IFT80: variants seen among roughly 807,000 people sequenced by gnomAD.
IFT80 encodes the protein intraflagellar transport protein 80 homolog.
A neutral mutation model predicts 107.9 loss-of-function variants in IFT80; 79 were observed. The ratio of observed to expected loss-of-function variants is 0.73; its 90% CI spans 0.61 to 0.88. The LOEUF (loss-of-function observed/expected upper bound fraction) is 0.88. Ranked by LOEUF, IFT80 falls within the 40% of genes least tolerant of loss-of-function variation. The probability of loss-of-function intolerance (pLI) is 0.00; values close to 1 mark genes in which losing one functional copy is unlikely to be tolerated. For synonymous variants in IFT80, 299 were observed against 300.9 expected (o/e 0.99, Z 0.07); for missense variants, 797 against 914.2 (o/e 0.87, Z 1.65).
intron 9 of IFT80, among the ~76,000 whole-genome samples, chr3:160,308,763 T>C (rs533029788): frequency 3.1e-4 from 47 of 152,334 alleles, no homozygotes; most frequent in African/African-American, 1.1e-3. Context: ...GGCATTGCCA[T>C]GATCTAAATG....
At chr3:160,373,143 A>C (rs748434876) in intron 5 of IFT80, among the ~76,000 whole-genome samples, 31 of 152,094 alleles carry the variant, frequency 2.0e-4, no homozygotes, top group Middle Eastern at 3.2e-3. Context: ...CCTGAGCTCA[A>C]GTGATCCACC....
chr3:160,261,813 A>G (rs1712861829), intron 19 of IFT80, among the ~76,000 whole-genome samples: 1 of 151,498 alleles, frequency 6.6e-6, no homozygotes, highest in Admixed American at 6.6e-5. Context: ...AAAAAAAAAA[A>G]AAAAAGGGGG....
chr3:160,293,272 C>G (rs551279985), intron 12 of IFT80, among the ~76,000 whole-genome samples: 1 of 152,168 alleles, frequency 6.6e-6, no homozygotes, highest in Non-Finnish European at 1.5e-5. Context: ...CTATAAACCT[C>G]AGAGGCCTAA....
intron 19 of IFT80, among the ~76,000 whole-genome samples, chr3:160,260,862 C>T (rs1438953410): frequency 2.6e-5 from 4 of 152,198 alleles, no homozygotes; most frequent in South Asian, 2.1e-4. Flanking sequence ...TCTTTCTCTT[C>T]CTCTCAGCTG....
chr3:160,306,163 A>G (rs1179489201), intron 10 of IFT80, among the ~76,000 whole-genome samples: 1 of 152,194 alleles, frequency 6.6e-6, no homozygotes. Context: ...TCACAAAAGA[A>G]GAAAAGCAAC....
At chr3:160,357,263 C>T (rs992356365) in intron 7 of IFT80, among the ~76,000 whole-genome samples, 2 of 152,048 alleles carry the variant, frequency 1.3e-5, no homozygotes, top group African/African-American at 4.8e-5. Context: ...TCACAACTGG[C>T]TAATTTTTTT....
rs189881249 is a variant in IFT80, at chr3:160,322,454, G to C, written c.778-2515C>G. Reference sequence around the variant, plus strand: ...CTATCATTGTTGGACATTTGGGTTGGTTCCAAGTCTTTGCTATTGTGAATA... The same window carrying C: ...CTATCATTGTTGGACATTTGGGTTGCTTCCAAGTCTTTGCTATTGTGAATA... On this transcript the variant is annotated intron_variant, in intron 8 of 19. Transcript: ENST00000326448. Among the ~76,000 whole-genome samples, 109 of 152,036 alleles carry C rather than the reference G, an allele frequency of 7.2e-4. 1 individual carries two copies. The East Asian group carries it at 0.02, about 28-fold the overall frequency.
chr3:160,354,265 G>A (rs1720908684), intron 8 of IFT80, among the ~76,000 whole-genome samples: 1 of 152,126 alleles, frequency 6.6e-6, no homozygotes, highest in Admixed American at 6.5e-5. Flanking sequence ...GGACCTAGCA[G>A]AAAAGAAATT....
intron 6 of IFT80, among the ~76,000 whole-genome samples, chr3:160,358,648 C>T (rs1454336716): frequency 1.3e-5 from 2 of 152,114 alleles, no homozygotes; most frequent in Non-Finnish European, 2.9e-5. Flanking sequence ...GCCACCGTGC[C>T]CAGCCATGGA....
At chr3:160,382,315 T>G (rs1712583490) in intron 2 of IFT80, among the ~76,000 whole-genome samples, 1 of 152,190 alleles carries the variant, frequency 6.6e-6, no homozygotes, top group African/African-American at 2.4e-5. Flanking sequence ...CCAAACTTTT[T>G]TTAAATTTTT....
intron 8 of IFT80, among the ~76,000 whole-genome samples, chr3:160,340,920 T>C (rs1295226505): frequency 6.6e-6 from 1 of 152,232 alleles, no homozygotes; most frequent in East Asian, 1.9e-4. Context: ...AGGAAGAATA[T>C]AGCAGTTAAT....
intron 5 of IFT80, among the ~76,000 whole-genome samples, chr3:160,369,459 T>C (rs1722084932): frequency 1.3e-5 from 2 of 151,916 alleles, no homozygotes; most frequent in African/African-American, 2.4e-5. Context: ...ACTGTACATA[T>C]AAACATTTTC....
intron 19 of IFT80, among the ~76,000 whole-genome samples, chr3:160,260,618 A>C (rs914615484): frequency 1.3e-5 from 2 of 152,224 alleles, no homozygotes; most frequent in African/African-American, 4.8e-5. Context: ...TAGTTTTAAA[A>C]AGTGTTCTAC....
chr3:160,268,561 A>G, intron 18 of IFT80, 25 bp from the exon 19 acceptor site: 1 of 1,609,898 alleles, frequency 6.2e-7, no homozygotes, highest in Non-Finnish European at 8.5e-7. Context: ...AAAACAGATT[A>G]TTAACATTGT....
intron 8 of IFT80, among the ~76,000 whole-genome samples, chr3:160,339,024 T>A (rs1440060274): frequency 6.6e-6 from 1 of 152,188 alleles, no homozygotes; most frequent in South Asian, 2.1e-4. Context: ...GAAAGGTAAC[T>A]CAAAACAGTG....
chr3:160,323,900 A>C lies in IFT80; in HGVS notation c.778-3961T>G, dbSNP rs896183333. On this transcript the variant is annotated intron_variant, in intron 8 of 19. Transcript: ENST00000326448. Reference sequence around the variant, plus strand: ...CCACTAGCAAGACTAATAAAGAAAAAAAGAGAGAAGAATCAAATAGATACA... The same window carrying C: ...CCACTAGCAAGACTAATAAAGAAAACAAGAGAGAAGAATCAAATAGATACA... 5.9e-5 allele frequency among the ~76,000 whole-genome samples: 9 copies of C among 152,132 alleles called. 1 individual carries two copies. The highest frequency in any genetic ancestry group is 2.6e-4 in the Admixed American group (4 of 15,254).
At position 160,319,934 on chromosome 3, in the gene IFT80, T is replaced by C. The variant is rs775341696; in HGVS notation, c.783A>G (p.Ser261=). 5 of 1,610,390 alleles carry C rather than the reference T, an allele frequency of 3.1e-6. No individual in the cohort carries two copies. In the South Asian group the frequency reaches 4.4e-5, roughly 14 times the overall value. The stretch of plus-strand genomic sequence containing the variant: ...CAGTGTTGGGTTTTTCTAATGCATA[T>C]GACCACTGGGGGAGAAAAAACAAGA... The part of the protein sequence containing the change: ...TLRLCDKTGW[S]YALEKPNTGS... The change falls in exon 9 of 20, where the codon TCA becomes TCG. Residue 261 remains serine (S), a synonymous_variant. Transcript: ENST00000326448.
intron 8 of IFT80, among the ~76,000 whole-genome samples, chr3:160,352,583 T>G (rs1720792276): frequency 6.6e-6 from 1 of 152,088 alleles, no homozygotes; most frequent in African/African-American, 2.4e-5. Context: ...AAAATACCAC[T>G]TCACAGAGCC....
chr3:160,386,670 T>C (rs1040156578), intron 1 of IFT80, among the ~76,000 whole-genome samples: 5 of 152,136 alleles, frequency 3.3e-5, no homozygotes, highest in African/African-American at 9.7e-5. Context: ...TCCATCATAA[T>C]CCAAAGCCAC....
Sources: allele counts gnomAD v4.1 joint callset (sites outside exome capture counted in the v4.1 genomes callset), GRCh38; gene constraint gnomAD v4.1.1; transcripts MANE v1.5; gene names NCBI Gene and HGNC (gene_info 2026-07-23, HGNC 2026-07-21).